Variants in RGL1 observed in about 807,000 individuals in gnomAD.
RGL1 encodes the protein ral guanine nucleotide dissociation stimulator-like 1.
In RGL1, 24 loss-of-function variants were observed where a neutral mutation model predicts 95.2. The observed-to-expected ratio is 0.25, with a 90% CI of 0.18 to 0.35. The LOEUF (loss-of-function observed/expected upper bound fraction) is 0.35, where lower values mean the gene tolerates loss of function less well. RGL1 is among the 10% of genes least tolerant of loss of function. The pLI is 1.00. For synonymous variants in RGL1, 329 were observed against 344.9 expected (o/e 0.95, Z 0.51); for missense variants, 715 against 936.3 (o/e 0.76, Z 3.08).
intron 1 of RGL1, among the ~76,000 whole-genome samples, chr1:183,684,976 A>G (rs1653479700): frequency 6.6e-6 from 1 of 152,192 alleles, no homozygotes; most frequent in South Asian, 2.1e-4. Context: ...AAATGCAGAA[A>G]ATCACCCGCC....
At chr1:183,771,983 A>G (rs183550402) in intron 2 of RGL1, among the ~76,000 whole-genome samples, 1 of 152,246 alleles carries the variant, frequency 6.6e-6, no homozygotes, top group South Asian at 2.1e-4. Flanking sequence ...GCACTCAAGC[A>G]GGCTATTGAC....
chr1:183,704,192 T>C (rs12729088), intron 1 of RGL1, among the ~76,000 whole-genome samples: 72,118 of 151,916 alleles, frequency 0.47, 17,751 homozygotes, highest in East Asian at 0.76. Flanking sequence ...TTTGGTGGCC[T>C]CTGCAATGAA....
intron 1 of RGL1, among the ~76,000 whole-genome samples, chr1:183,657,234 G>A (rs1479138239): frequency 6.6e-6 from 1 of 152,004 alleles, no homozygotes; most frequent in Admixed American, 6.6e-5. Flanking sequence ...TCTTTGTCTT[G>A]TTCAGTTTTT....
intron 1 of RGL1, among the ~76,000 whole-genome samples, chr1:183,698,120 C>T (rs1316900107): frequency 6.6e-6 from 1 of 152,166 alleles, no homozygotes; most frequent in Non-Finnish European, 1.5e-5. Flanking sequence ...TTCAACTCCA[C>T]GTTTATGTTT....
chr1:183,726,635 TA>T (rs1162571302), intron 1 of RGL1, among the ~76,000 whole-genome samples: 2 of 152,054 alleles, frequency 1.3e-5, no homozygotes, highest in African/African-American at 4.8e-5. Context: ...AATCTTTCCA[TA>T]AAAAAATGTA....
At chr1:183,824,341 G>A (rs948687966) in intron 2 of RGL1, among the ~76,000 whole-genome samples, 1 of 152,048 alleles carries the variant, frequency 6.6e-6, no homozygotes, top group African/African-American at 2.4e-5. Context: ...ATCCGGCCCT[G>A]GAGACATGAA....
In RGL1 at chr1:183,926,090, C is replaced by T. The variant is rs764222550; in HGVS notation, c.2120-15C>T. Reference sequence around the variant, plus strand: ...TCCACAAGCTGACCATCTTATCTTTCCTTATCTTTTTCAGAACTTGTGATT... The same window carrying T: ...TCCACAAGCTGACCATCTTATCTTTTCTTATCTTTTTCAGAACTTGTGATT... On this transcript the variant is annotated splice_polypyrimidine_tract_variant and intron_variant, in intron 17 of 17. Transcript: ENST00000360851. 9 of 1,609,584 alleles carry T rather than the reference C, an allele frequency of 5.6e-6. No individual in the cohort carries two copies. The East Asian group carries it at 1.8e-4, about 32-fold the overall frequency.
In RGL1 at chr1:183,682,218, A is replaced by T. The variant is rs552496142; in HGVS notation, c.-33+45717A>T. ...TTTCTTGTTTTCTGCTAGCTTTTGA[A>T]TTTGTTTGCTCCTGCTTCTCTAGTT... is the stretch of plus-strand genomic sequence containing the variant. On this transcript the variant is annotated intron_variant, in intron 1 of 18. Transcript: ENST00000304685. Among the ~76,000 whole-genome samples, 4 of 151,988 alleles carry T rather than the reference A, an allele frequency of 2.6e-5. No individual in the cohort carries two copies. In the East Asian group the frequency reaches 7.7e-4, roughly 29 times the overall value.
At chr1:183,905,304 C>T (rs573957091) in intron 13 of RGL1, among the ~76,000 whole-genome samples, 9 of 152,322 alleles carry the variant, frequency 5.9e-5, no homozygotes, top group Admixed American at 2.6e-4. Context: ...TGCTTGTCCT[C>T]AGCGTTGTCA....
upstream of RGL1, among the ~76,000 whole-genome samples, chr1:183,801,495 G>A (rs1019423692): frequency 6.6e-6 from 1 of 151,978 alleles, no homozygotes; most frequent in Non-Finnish European, 1.5e-5. Flanking sequence ...AAGCTTTTTA[G>A]TTTGATGTAC....
intron 1 of RGL1, among the ~76,000 whole-genome samples, chr1:183,682,363 G>A (rs764121105): frequency 2.0e-5 from 3 of 151,824 alleles, no homozygotes; most frequent in Non-Finnish European, 2.9e-5. Context: ...ATTCTGGTAC[G>A]TTGTCTTGGT....
chr1:183,762,741 C>G (rs1261482288), intron 2 of RGL1, among the ~76,000 whole-genome samples: 1 of 152,174 alleles, frequency 6.6e-6, no homozygotes, highest in Non-Finnish European at 1.5e-5. Context: ...CAAGAAACAA[C>G]AGATGCTGGA....
intron 2 of RGL1, among the ~76,000 whole-genome samples, chr1:183,837,019 T>C (rs1663710490): frequency 6.6e-6 from 1 of 152,132 alleles, no homozygotes; most frequent in African/African-American, 2.4e-5. Flanking sequence ...ATCGCCTAGG[T>C]AGGGAAAGTG....
intron 4 of RGL1, among the ~76,000 whole-genome samples, chr1:183,869,529 G>A (rs1419890985): frequency 6.6e-6 from 1 of 152,026 alleles, no homozygotes; most frequent in Non-Finnish European, 1.5e-5. Context: ...TCTTATAATG[G>A]GTCGCTCTGT....
At position 183,849,484 on chromosome 1, in the gene RGL1, T is replaced by A. The variant is rs1035847117; in HGVS notation, c.347+1710T>A. Among the ~76,000 whole-genome samples the A allele has an allele frequency of 4.5e-3, 351 of 77,776 alleles. 23 individuals are homozygous for A. Among genetic ancestry groups the A allele is most frequent in the African/African-American group, 0.021 (305 of 14,272 alleles). The allele number at this position is 77,776 out of a possible 152,430, so 51.0% of individuals were successfully genotyped here. A position where few individuals can be genotyped will look rare whatever the true frequency, so the allele number is the denominator to read the frequency against. On this transcript the variant is annotated intron_variant, in intron 3 of 17. Transcript: ENST00000360851. ...CATTTAAGTTTTCTCCAGTTTTTAGTTTTTTTTTTTTTTTTTTTTTTTGTT... is the reference window on the plus strand; with the variant it reads ...CATTTAAGTTTTCTCCAGTTTTTAGATTTTTTTTTTTTTTTTTTTTTTGTT...
At chr1:183,854,093 TAAAC>T (rs1664992191) in intron 3 of RGL1, among the ~76,000 whole-genome samples, 1 of 152,194 alleles carries the variant, frequency 6.6e-6, no homozygotes, top group African/African-American at 2.4e-5. Flanking sequence ...AGAGTAACAT[TAAAC>T]AAATCAGTGT....
At chr1:183,830,550 G>A (rs555903914) in intron 2 of RGL1, among the ~76,000 whole-genome samples, 1 of 151,860 alleles carries the variant, frequency 6.6e-6, no homozygotes, top group African/African-American at 2.4e-5. Context: ...CTCTGTTTTC[G>A]AAGCAAACAG....
chr1:183,681,727 T>C (rs527483412), intron 1 of RGL1, among the ~76,000 whole-genome samples: 2 of 152,330 alleles, frequency 1.3e-5, no homozygotes, highest in South Asian at 4.1e-4. Context: ...TTTCTATTGT[T>C]TGGAATAGTT....
chr1:183,922,487 G>A (rs187186511), intron 17 of RGL1, 151 bp downstream of exon 17: 16 of 623,622 alleles, frequency 2.6e-5, no homozygotes, highest in Admixed American at 5.3e-5. Context: ...GTGAACAACC[G>A]TGCCATCACC....
Sources: allele counts gnomAD v4.1 joint callset (sites outside exome capture counted in the v4.1 genomes callset), GRCh38; gene constraint gnomAD v4.1.1; transcripts MANE v1.5; gene names NCBI Gene and HGNC (gene_info 2026-07-23, HGNC 2026-07-21).